Variants in GGN observed in about 807,000 individuals in gnomAD.
GGN encodes the protein gametogenetin.
Under a neutral mutation model 35.5 loss-of-function variants are expected in GGN, and 27 were observed. That is an observed-to-expected ratio of 0.76 (90% CI 0.56 to 1.05). GGN has a LOEUF of 1.05. Among genes scored for constraint, GGN ranks in the 50% least tolerant of loss-of-function variants. The pLI is 0.00. For missense variants in GGN, 1,006 were observed against 940.7 expected (o/e 1.07, Z -0.91); for synonymous variants, 425 against 444.1 (o/e 0.96, Z 0.54).
chr19:38,386,437 G>GCCGCCGCCT lies in GGN; in HGVS notation c.816_824dup (p.Gly273_Gly275dup). 2 of 1,612,632 alleles carry GCCGCCGCCT rather than the reference G, an allele frequency of 1.2e-6. No homozygotes were observed. Among genetic ancestry groups the GCCGCCGCCT allele is most frequent in the Non-Finnish European group, 1.7e-6 (2 of 1,179,916 alleles). ...AGATGGCACCTGAGGCAGCAAAGAG[G>GCCGCCGCCT]CCGCCGCCTCCGCCGCCCCCCAGCG... On this transcript the variant is annotated inframe_insertion, in exon 3 of 4. Coordinates refer to ENST00000334928, the MANE Select transcript of GGN (RefSeq NM_152657.4).
chr19:38,386,588 C>T lies in GGN; in HGVS notation c.674G>A (p.Gly225Asp). Residue 225 changes from glycine (G) to aspartate (D), a missense_variant, in exon 3 of 4, where the codon GGC becomes GAC. By Grantham distance (94) the Gly-to-Asp change is moderately conservative. Transcript: ENST00000334928. ...RARGGAPPHA[G>D]EGEMAQPADS... ...CGCAGGCTGGGCCATTTCGCCTTCG[C>T]CCGCATGGGGAGGCGCCCCTCCGCG... The T allele has an allele frequency of 6.2e-7, 1 of 1,613,410 alleles. No homozygotes were observed. The highest frequency in any genetic ancestry group is 8.5e-7 in the Non-Finnish European group (1 of 1,179,800).
At position 38,386,965 on chromosome 19, in the gene GGN, G is replaced by C; in HGVS notation, c.297C>G (p.Ala99=). Residue 99 remains alanine (A), a synonymous_variant, in exon 3 of 4, where the codon GCC becomes GCG. Coordinates refer to ENST00000334928, the MANE Select transcript of GGN (RefSeq NM_152657.4). ...GGCCGGGCAGCAGAGTCCCCGCGGGGGCCGGGGGTGGTGCAGAGACCGCGG... is the reference window on the plus strand; with the variant it reads ...GGCCGGGCAGCAGAGTCCCCGCGGGCGCCGGGGGTGGTGCAGAGACCGCGG... ...EAAAVSAPPP[A]PAGTLLPGPS... 6.5e-7 allele frequency: 1 copy of C among 1,541,994 alleles called. No individual in the cohort carries two copies. Among genetic ancestry groups the C allele is most frequent in the Non-Finnish European group, 8.7e-7 (1 of 1,144,280 alleles).
chr19:38,384,994 G>T (rs1970684301), intron 3 of GGN, among the ~76,000 whole-genome samples: 1 of 152,164 alleles, frequency 6.6e-6, no homozygotes, highest in South Asian at 2.1e-4. Context: ...GCCCAGTAAA[G>T]TTGGAGGCGT....
Position 38,385,999 on chromosome 19 carries a change from G to T in GGN, c.1263C>A (p.Pro421=). 6.2e-7 allele frequency: 1 copy of T among 1,607,978 alleles called. No individual in the cohort carries two copies. The highest frequency in any genetic ancestry group is 2.2e-5 in the East Asian group (1 of 44,690). ...CCGGGCGCATGGGCTCGCCATTGGT[G>T]GGTGCTGGGAAGATGAACGTAGGCG... is the stretch of plus-strand genomic sequence containing the variant. ...LAPPTFIFPA[P]TNGEPMRPGP... is the part of the protein sequence containing the mutation. The change falls in exon 3 of 4, where the codon CCC becomes CCA. Residue 421 remains proline, a synonymous_variant. Transcript: ENST00000334928.
chr19:38,386,550 C>T lies in GGN; in HGVS notation c.712G>A (p.Gly238Ser), dbSNP rs1301120486. Residue 238 changes from glycine to serine, a missense_variant, in exon 3 of 4, where the codon GGT becomes AGT. Transcript: ENST00000334928. ...EMAQPADSES[G>S]LSLLCKITFK... ...GTGATTTTACACAGCAGGCTCAGACCGGACTCGGAATCCGCAGGCTGGGCC... is the reference window on the plus strand; with the variant it reads ...GTGATTTTACACAGCAGGCTCAGACTGGACTCGGAATCCGCAGGCTGGGCC... The T allele has an allele frequency of 1.2e-6, 2 of 1,613,386 alleles. No individual in the cohort carries two copies. Among genetic ancestry groups the T allele is most frequent in the African/African-American group, 1.3e-5 (1 of 74,940 alleles).
rs1165068671 is a variant in GGN, at chr19:38,386,581, G to A, written c.681C>T (p.Gly227=). 6.2e-7 allele frequency: 1 copy of A among 1,613,326 alleles called. No individual in the cohort carries two copies. Among genetic ancestry groups the A allele is most frequent in the Admixed American group, 1.7e-5 (1 of 59,988 alleles). ...RGGAPPHAGE[G]EMAQPADSES... ...CGGAATCCGCAGGCTGGGCCATTTC[G>A]CCTTCGCCCGCATGGGGAGGCGCCC... The change falls in exon 3 of 4, where the codon GGC becomes GGT. Residue 227 remains glycine (G), a synonymous_variant. Transcript: ENST00000334928.
chr19:38,385,883 G>A lies in GGN; in HGVS notation c.1379C>T (p.Pro460Leu), dbSNP rs1234419460. Reference sequence around the variant, plus strand: ...ACCCGGGGTGAGCGGGGGAGCCACCGGCAGCGGCGTTGGCTGGAGCGCTGG... The same window carrying A: ...ACCCGGGGTGAGCGGGGGAGCCACCAGCAGCGGCGTTGGCTGGAGCGCTGG... Reference protein sequence around the residue: ...QPPALQPTPLPVAPPLTPGLG... With the variant: ...QPPALQPTPLLVAPPLTPGLG... The change falls in exon 3 of 4, where the codon CCG (proline) becomes CTG (leucine). Residue 460 changes from proline (P) to leucine (L), a missense_variant. Transcript: ENST00000334928. 2.6e-6 allele frequency: 4 copies of A among 1,550,834 alleles called. No individual in the cohort carries two copies. Among genetic ancestry groups the A allele is most frequent in the Non-Finnish European group, 3.5e-6 (4 of 1,150,462 alleles).
chr19:38,385,668 G>A lies in GGN; in HGVS notation c.1594C>T (p.Arg532Cys), dbSNP rs1970698165. Residue 532 changes from arginine to cysteine, a missense_variant, in exon 3 of 4, where the codon CGT becomes TGT. By Grantham distance (180) the Arg-to-Cys change is radical. Transcript: ENST00000334928. Reference protein sequence around the residue: ...KTRTRRNKGSRAARGATRKDG... With the variant: ...KTRTRRNKGSCAARGATRKDG... Reference sequence around the variant, plus strand: ...TTACGGGTCGCGCCCCGGGCTGCACGGGAACCCTTGTTCCTGCGCGTGCGG... The same window carrying A: ...TTACGGGTCGCGCCCCGGGCTGCACAGGAACCCTTGTTCCTGCGCGTGCGG... 1 of 1,613,648 alleles carries A rather than the reference G, an allele frequency of 6.2e-7. No individual in the cohort carries two copies. The highest frequency in any genetic ancestry group is 1.1e-5 in the South Asian group (1 of 91,084).
Position 38,386,851 on chromosome 19 carries a change from C to CG in GGN, c.410dup (p.Ser138GlufsTer43). On this transcript the variant is annotated frameshift_variant, in exon 3 of 4. Transcript: ENST00000334928. LOFTEE classifies it high-confidence loss of function. ...GCGGCGGCTTCAGCGGGCGGAGGCT[C>CG]GGAGGGTCGCCCTGGCCGCGATGGC... 6.2e-7 allele frequency: 1 copy of CG among 1,600,222 alleles called. No homozygotes were observed. Among genetic ancestry groups the CG allele is most frequent in the Non-Finnish European group, 8.5e-7 (1 of 1,173,058 alleles).
At position 38,385,961 on chromosome 19, in the gene GGN, A is replaced by C; in HGVS notation, c.1301T>G (p.Leu434Arg). The change falls in exon 3 of 4, where the codon CTG (leucine) becomes CGG (arginine). Residue 434 changes from leucine to arginine, a missense_variant. Transcript: ENST00000334928. Reference sequence around the variant, plus strand: ...CGGTGGCAGCGGTGGTAACTCCTGCAGGCCTGGAGGCCCCGGGCGCATGGG... The same window carrying C: ...CGGTGGCAGCGGTGGTAACTCCTGCCGGCCTGGAGGCCCCGGGCGCATGGG... ...GEPMRPGPPG[L>R]QELPPLPPPT... 1.2e-6 allele frequency: 2 copies of C among 1,601,574 alleles called. No homozygotes were observed. The highest frequency in any genetic ancestry group is 1.7e-6 in the Non-Finnish European group (2 of 1,174,662).
chr19:38,385,798 T>C lies in GGN; in HGVS notation c.1464A>G (p.Leu488=). 1.3e-6 allele frequency: 2 copies of C among 1,544,138 alleles called. No homozygotes were observed. Among genetic ancestry groups the C allele is most frequent in the Non-Finnish European group, 1.7e-6 (2 of 1,149,920 alleles). ...PTAAPALPPA[L]AADQAPAPSP... ...ATGGGGCCGGGGCCTGGTCGGCGGC[T>C]AAGGCTGGGGGCAGAGCAGGGGCTG... is the stretch of plus-strand genomic sequence containing the variant. The change falls in exon 3 of 4, where the codon TTA becomes TTG. Residue 488 remains leucine, a synonymous_variant. Coordinates refer to ENST00000334928, the MANE Select transcript of GGN (RefSeq NM_152657.4).
At position 38,387,072 on chromosome 19, in the gene GGN, G is replaced by A. The variant is rs372147114; in HGVS notation, c.190C>T (p.Arg64Trp). 6.4e-7 allele frequency: 1 copy of A among 1,557,304 alleles called. No homozygotes were observed. Among genetic ancestry groups the A allele is most frequent in the South Asian group, 1.2e-5 (1 of 84,676 alleles). ...SATPPGLMVP[R>W]EPQASPSTLP... ...GTCGAGGGTGAGGCCTGGGGCTCCC[G>A]GGGTACCATGAGTCCCGGGGGTGTG... The change falls in exon 3 of 4, where the codon CGG becomes TGG. Residue 64 changes from arginine (R) to tryptophan (W), a missense_variant. Physicochemically the swap from Arg to Trp is moderately radical, Grantham distance 101 (BLOSUM62 -3). Coordinates refer to ENST00000334928, the MANE Select transcript of GGN (RefSeq NM_152657.4). The surrounding 1 kb of genome is among the most constrained non-coding windows in gnomAD (Gnocchi z 5.3).
rs1362023263 is a variant in GGN at position 38,386,993 on chromosome 19, G to A, written c.269C>T (p.Ala90Val). The A allele has an allele frequency of 1.3e-6, 2 of 1,536,846 alleles. No homozygotes were observed. The highest frequency in any genetic ancestry group is 2.1e-5 in the Admixed American group (1 of 48,748). ...PSPVMPPPEE[A>V]AAVSAPPPAP... The stretch of plus-strand genomic sequence containing the variant: ...CGGGGGTGGTGCAGAGACCGCGGCC[G>A]CCTCTTCAGGAGGGGGCATCACTGG... The change falls in exon 3 of 4, where the codon GCG becomes GTG. Residue 90 changes from alanine to valine, a missense_variant. Ala to Val is a moderately conservative substitution (Grantham distance 64). Coordinates refer to ENST00000334928, the MANE Select transcript of GGN (RefSeq NM_152657.4).
In GGN at chr19:38,387,228, C is replaced by T. The variant is rs1006761366; in HGVS notation, c.34G>A (p.Gly12Arg). 2 of 1,595,346 alleles carry T rather than the reference C, an allele frequency of 1.3e-6. No individual in the cohort carries two copies. Among genetic ancestry groups the T allele is most frequent in the Admixed American group, 1.7e-5 (1 of 57,932 alleles). Reference protein sequence around the residue: ...GNLQSEPSAGGGSRKVQPSDR... With the variant: ...GNLQSEPSAGRGSRKVQPSDR... ...GAGGGCTGCACTTTTCGGGAGCCCC[C>T]GCCCGCGGATGGCTCCGACTGCAAG... Residue 12 changes from glycine (G) to arginine (R), a missense_variant, in exon 3 of 4, where the codon GGG (glycine) becomes AGG (arginine). Physicochemically the swap from Gly to Arg is moderately radical, Grantham distance 125. Transcript: ENST00000334928. This position sits in a 1 kb window ranked among gnomAD's most constrained non-coding sequence, Gnocchi z 5.3.
rs139564518 is a variant in GGN, at chr19:38,386,307, C to T, written c.955G>A (p.Gly319Ser). ...GAGGGAGGACCAGAGCACCCTTCGC[C>T]GTCTCCATCACCTCCCTCGGCTTCC... The part of the protein sequence containing the change: ...AQEAEGGDGD[G>S]EGCSGPPSAP... Residue 319 changes from glycine to serine, a missense_variant, in exon 3 of 4, where the codon GGC becomes AGC. Gly to Ser is a moderately conservative substitution (Grantham distance 56). Transcript: ENST00000334928. 9 of 1,610,872 alleles carry T rather than the reference C, an allele frequency of 5.6e-6. No individual in the cohort carries two copies. The highest frequency in any genetic ancestry group is 1.3e-5 in the African/African-American group (1 of 74,988).
chr19:38,384,395 T>C lies in GGN; in HGVS notation c.*17A>G, dbSNP rs1466640844. 2.6e-6 allele frequency: 4 copies of C among 1,557,384 alleles called. No individual in the cohort carries two copies. The highest frequency in any genetic ancestry group is 3.5e-6 in the Non-Finnish European group (4 of 1,129,434). ...TTGGCATGGAGGGGAAGGTGGAGGG[T>C]GTTGAGCCGACTACACTCAGTTGGA... On this transcript the variant is annotated 3_prime_UTR_variant, in exon 4 of 4. Coordinates refer to ENST00000334928, the MANE Select transcript of GGN (RefSeq NM_152657.4).
At position 38,385,845 on chromosome 19, in the gene GGN, C is replaced by T. The variant is rs1970705946; in HGVS notation, c.1417G>A (p.Glu473Lys). 6.5e-7 allele frequency: 1 copy of T among 1,542,056 alleles called. No individual in the cohort carries two copies. The highest frequency in any genetic ancestry group is 8.7e-7 in the Non-Finnish European group (1 of 1,147,860). Residue 473 changes from glutamate (E) to lysine (K), a missense_variant, in exon 3 of 4, where the codon GAG becomes AAG. Transcript: ENST00000334928. ...PPLTPGLGHKESALAPTAAPA... is the reference protein window; with the variant it reads ...PPLTPGLGHKKSALAPTAAPA... ...GCTGCGGTGGGAGCCAGGGCTGACTCCTTGTGGCCCAGACCCGGGGTGAGC... is the reference window on the plus strand; with the variant it reads ...GCTGCGGTGGGAGCCAGGGCTGACTTCTTGTGGCCCAGACCCGGGGTGAGC...
Position 38,384,360 on chromosome 19 carries a change from G to A in GGN, c.*52C>T. ...TTGACAGGCTGCTGGCATCTGGATTGGTTATTTTATTGGCATGGAGGGGAA... is the reference window on the plus strand; with the variant it reads ...TTGACAGGCTGCTGGCATCTGGATTAGTTATTTTATTGGCATGGAGGGGAA... On this transcript the variant is annotated 3_prime_UTR_variant, in exon 4 of 4. Transcript: ENST00000334928. The A allele has an allele frequency of 2.3e-6, 3 of 1,324,658 alleles. No homozygotes were observed. Among genetic ancestry groups the A allele is most frequent in the Non-Finnish European group, 3.3e-6 (3 of 919,554 alleles). 82.1% of individuals were successfully genotyped at this position (1,324,658 alleles called of 1,614,324 possible).
In GGN at chr19:38,386,602, C is replaced by A. The variant is rs746068651; in HGVS notation, c.660G>T (p.Ala220=). ...TTTCGCCTTCGCCCGCATGGGGAGG[C>A]GCCCCTCCGCGAGCCCTGCCGGCCG... ...GQTAGRARGG[A]PPHAGEGEMA... The change falls in exon 3 of 4, where the codon GCG becomes GCT. Residue 220 remains alanine (A), a synonymous_variant. Transcript: ENST00000334928. The A allele has an allele frequency of 6.2e-7, 1 of 1,612,788 alleles. No individual in the cohort carries two copies. Among genetic ancestry groups the A allele is most frequent in the Non-Finnish European group, 8.5e-7 (1 of 1,179,516 alleles).
Sources: gnomAD v4.1 joint callset for allele counts (sites outside exome capture counted in the v4.1 genomes callset) on GRCh38, gnomAD v4.1.1 for gene constraint, Gnocchi (gnomAD v3.1) non-coding constraint, MANE v1.5 for transcripts, NCBI Gene and HGNC (gene_info 2026-07-23, HGNC 2026-07-21) for gene names.